ATP6V1E1: variants seen among roughly 807,000 people sequenced by gnomAD.
The protein encoded by ATP6V1E1 is V-type proton ATPase subunit E 1.
In ATP6V1E1, 21 loss-of-function variants were observed where a neutral mutation model predicts 35.2. The ratio of observed to expected loss-of-function variants is 0.60; its 90% CI spans 0.42 to 0.86. The LOEUF is 0.86. Ranked by LOEUF, ATP6V1E1 falls within the 40% of genes least tolerant of loss-of-function variation. The pLI is 0.00. For missense variants in ATP6V1E1, 183 were observed against 272.6 expected (o/e 0.67, Z 2.32); for synonymous variants, 83 against 87.8 (o/e 0.95, Z 0.30).
At chr22:17,599,672 C>A (rs928260575) in intron 6 of ATP6V1E1, among the ~76,000 whole-genome samples, 1 of 149,402 alleles carries the variant, frequency 6.7e-6, no homozygotes, top group African/African-American at 2.5e-5. Flanking sequence ...GTAATCCCAG[C>A]ACTTTGGGAG....
rs2057708192 is a variant in ATP6V1E1, at chr22:17,592,524, G to A, written c.*150C>T. On this transcript the variant is annotated 3_prime_UTR_variant, in exon 9 of 9. Transcript: ENST00000253413. Reference sequence around the variant, plus strand: ...TCCACCATTGTGAACAATTAGGCAAGGCATGAGTGACAGAGGGGCATCGCT... The same window carrying A: ...TCCACCATTGTGAACAATTAGGCAAAGCATGAGTGACAGAGGGGCATCGCT... 1.3e-6 allele frequency: 1 copy of A among 796,634 alleles called. No individual in the cohort carries two copies. Among genetic ancestry groups the A allele is most frequent in the Admixed American group, 2.1e-5 (1 of 47,468 alleles). 49.3% of individuals were successfully genotyped at this position (796,634 alleles called of 1,614,324 possible).
At chr22:17,614,295 A>G (rs1647790391) in intron 2 of ATP6V1E1, among the ~76,000 whole-genome samples, 1 of 151,974 alleles carries the variant, frequency 6.6e-6, no homozygotes, top group African/African-American at 2.4e-5. Context: ...GGTTGCAGTG[A>G]GCCGAGATCG....
chr22:17,598,303 C>T lies in ATP6V1E1; in HGVS notation c.436-15G>A, dbSNP rs758513695. 1.0e-5 allele frequency: 16 copies of T among 1,593,324 alleles called. No homozygotes were observed. The Admixed American group carries it at 1.5e-4, about 15-fold the overall frequency. On this transcript the variant is annotated splice_polypyrimidine_tract_variant and intron_variant, in intron 6 of 8. Transcript: ENST00000253413. ...TGCACTGCAGCCTGGAAGTATAGAA[C>T]ACAATGAGAGGTGTCACTAGGAACT...
intron 2 of ATP6V1E1, among the ~76,000 whole-genome samples, chr22:17,615,488 A>G (rs545084180): frequency 2.0e-5 from 3 of 151,800 alleles, no homozygotes; most frequent in Admixed American, 2.0e-4. Flanking sequence ...TCTACTAAAA[A>G]CACAAAAATT....
intron 1 of ATP6V1E1, among the ~76,000 whole-genome samples, chr22:17,625,460 T>C (rs563327300): frequency 2.4e-5 from 3 of 125,808 alleles, no homozygotes; most frequent in African/African-American, 7.6e-5. Flanking sequence ...TTTCTCCATG[T>C]TGGTCAGGCT....
intron 4 of ATP6V1E1, among the ~76,000 whole-genome samples, chr22:17,607,359 T>C (rs1266681149): frequency 2.6e-5 from 4 of 152,120 alleles, no homozygotes; most frequent in African/African-American, 9.7e-5. Context: ...GGTTTCACCA[T>C]GTTTGCCAGG....
chr22:17,608,319 C>G (rs2057796337), intron 4 of ATP6V1E1, among the ~76,000 whole-genome samples: 1 of 152,214 alleles, frequency 6.6e-6, no homozygotes, highest in South Asian at 2.1e-4. Context: ...CAGACAAACT[C>G]AGAGTGACTA....
intron 4 of ATP6V1E1, among the ~76,000 whole-genome samples, chr22:17,604,526 C>T (rs375575115): frequency 2.1e-5 from 3 of 144,920 alleles, no homozygotes; most frequent in Middle Eastern, 3.6e-3. Flanking sequence ...TTTGTTTTCT[C>T]TTTTTTTTTT....
chr22:17,604,548 C>A (rs1413860254), intron 4 of ATP6V1E1, among the ~76,000 whole-genome samples: 3 of 143,908 alleles, frequency 2.1e-5, no homozygotes, highest in African/African-American at 8.0e-5. Context: ...GAGACGGAGT[C>A]TCGCTTTGTC....
chr22:17,592,174 A>G lies in ATP6V1E1; in HGVS notation c.*500T>C, dbSNP rs115457940. Reference sequence around the variant, plus strand: ...ACACTAGAAATCACATTAAATCCGCATAACTCTTTTAATAAATAAAGCATA... The same window carrying G: ...ACACTAGAAATCACATTAAATCCGCGTAACTCTTTTAATAAATAAAGCATA... On this transcript the variant is annotated 3_prime_UTR_variant, in exon 9 of 9. Transcript: ENST00000253413. 6.9e-3 allele frequency: 1,063 copies of G among 154,424 alleles called. 10 individuals carry two copies. The highest frequency in any genetic ancestry group is 0.024 in the African/African-American group (991 of 41,598). 9.6% of individuals were successfully genotyped at this position (154,424 alleles called of 1,614,324 possible).
intron 4 of ATP6V1E1, among the ~76,000 whole-genome samples, chr22:17,604,745 C>T (rs182998921): frequency 3.3e-5 from 5 of 152,040 alleles, no homozygotes; most frequent in East Asian, 1.9e-4. Context: ...TCTCGAACCC[C>T]GGACCTCATG....
chr22:17,604,298 G>A (rs1456397775), intron 4 of ATP6V1E1, among the ~76,000 whole-genome samples: 2 of 152,118 alleles, frequency 1.3e-5, no homozygotes, highest in Admixed American at 6.5e-5. Context: ...AGCAACATGT[G>A]TCTCTCACTG....
intron 1 of ATP6V1E1, among the ~76,000 whole-genome samples, chr22:17,627,093 G>A (rs1006819137): frequency 3.3e-5 from 5 of 151,914 alleles, no homozygotes; most frequent in Admixed American, 6.6e-5. Flanking sequence ...GGGTTCAAGC[G>A]ATTCTCCTGC....
intron 2 of ATP6V1E1, among the ~76,000 whole-genome samples, chr22:17,618,338 A>C (rs2057856928): frequency 6.6e-6 from 1 of 152,174 alleles, no homozygotes; most frequent in Admixed American, 6.5e-5. Context: ...TTTAATGTTA[A>C]AGATACAGAC....
chr22:17,603,901 A>G (rs1258391049), intron 4 of ATP6V1E1, among the ~76,000 whole-genome samples: 1 of 152,234 alleles, frequency 6.6e-6, no homozygotes, highest in Non-Finnish European at 1.5e-5. Context: ...TCACACAGAC[A>G]GGGATAGACA....
intron 1 of ATP6V1E1, 96 bp from the exon 2 acceptor site, chr22:17,619,622 A>C (rs1601394227): frequency 9.2e-7 from 1 of 1,082,816 alleles, no homozygotes; most frequent in African/African-American, 1.6e-5. Flanking sequence ...GCAGTGGCTC[A>C]CGCCCGTAAT....
At chr22:17,605,181 G>A (rs1393636943) in intron 4 of ATP6V1E1, among the ~76,000 whole-genome samples, 3 of 143,060 alleles carry the variant, frequency 2.1e-5, no homozygotes, top group African/African-American at 8.1e-5. Flanking sequence ...CTCCAGCCTG[G>A]GGGACAAGAG....
chr22:17,628,560 G>A (rs752004082), intron 1 of ATP6V1E1, 43 bp downstream of exon 1: 35 of 1,613,552 alleles, frequency 2.2e-5, no homozygotes, highest in Non-Finnish European at 2.6e-5. Context: ...CCACTCCCCG[G>A]GACTGCCGCC....
intron 1 of ATP6V1E1, among the ~76,000 whole-genome samples, chr22:17,626,633 G>C (rs1187839907): frequency 6.6e-6 from 1 of 151,642 alleles, no homozygotes; most frequent in Non-Finnish European, 1.5e-5. Flanking sequence ...CCGGGTTCAA[G>C]AAATTCTCCT....
Sources: gnomAD v4.1 joint callset for allele counts (sites outside exome capture counted in the v4.1 genomes callset) on GRCh38, gnomAD v4.1.1 for gene constraint, MANE v1.5 for transcripts, NCBI Gene and HGNC (gene_info 2026-07-23, HGNC 2026-07-21) for gene names.